Variants in CADM1 observed in about 807,000 individuals in gnomAD.
CADM1 encodes cell adhesion molecule 1.
Under a neutral mutation model 53.1 loss-of-function variants are expected in CADM1, and 15 were observed. The observed-to-expected ratio is 0.28, with a 90% CI of 0.19 to 0.44. CADM1 has a LOEUF of 0.44. CADM1 is among the 20% of genes least tolerant of loss of function. The probability of loss-of-function intolerance (pLI) is 1.00; values close to 1 mark genes in which losing one functional copy is unlikely to be tolerated. For missense variants in CADM1, 434 were observed against 611.3 expected, an observed-to-expected ratio of 0.71 and a Z score of 3.06; for synonymous variants, 281 against 243.0, an observed-to-expected ratio of 1.16 and a Z score of -1.45.
At position 115,504,344 on chromosome 11, in the gene CADM1, C is replaced by A; in HGVS notation, c.51G>T (p.Ala17=). The part of the protein sequence containing the change: ...PSGSQCAAAA[A]AAAPPGLRLR... Reference sequence around the variant, plus strand: ...GCCGGAGCCCGGGAGGCGCCGCCGCCGCCGCTGCCGCCGCACACTGGGATC... The same window carrying A: ...GCCGGAGCCCGGGAGGCGCCGCCGCAGCCGCTGCCGCCGCACACTGGGATC... Residue 17 remains alanine (A), a synonymous_variant, in exon 1 of 12, where the codon GCG becomes GCT. Coordinates refer to ENST00000331581, the MANE Select transcript of CADM1 (RefSeq NM_001301043.2). 6.5e-7 allele frequency: 1 copy of A among 1,548,814 alleles called. No individual in the cohort carries two copies. Among genetic ancestry groups the A allele is most frequent in the Non-Finnish European group, 8.7e-7 (1 of 1,146,364 alleles).
At chr11:115,331,760 TAATAGA>T (rs995419503) in intron 1 of CADM1, among the ~76,000 whole-genome samples, 15 of 152,284 alleles carry the variant, frequency 9.9e-5, no homozygotes, top group African/African-American at 3.6e-4. Context: ...GCTGATTTTC[TAATAGA>T]AATAAAGGTA....
chr11:115,450,095 A>G (rs2135346573), intron 1 of CADM1, among the ~76,000 whole-genome samples: 1 of 152,230 alleles, frequency 6.6e-6, no homozygotes, highest in South Asian at 2.1e-4. Context: ...GTCTTTCCAT[A>G]CAACATGAGA....
At chr11:115,349,551 T>C (rs966870344) in intron 1 of CADM1, among the ~76,000 whole-genome samples, 2 of 152,210 alleles carry the variant, frequency 1.3e-5, no homozygotes, top group South Asian at 4.1e-4. Context: ...ACAATGCCTG[T>C]TCAAGCCCGT....
intron 1 of CADM1, among the ~76,000 whole-genome samples, chr11:115,404,341 AAAAAAAT>A (rs1187232764): frequency 2.4e-5 from 1 of 42,468 alleles, no homozygotes; most frequent in African/African-American, 7.4e-5. Context: ...AAAAAAAAAA[AAAAAAAT>A]ATATATATAT....
intron 1 of CADM1, among the ~76,000 whole-genome samples, chr11:115,468,924 A>G (rs1049649741): frequency 2.0e-5 from 3 of 152,208 alleles, no homozygotes; most frequent in Non-Finnish European, 4.4e-5. Flanking sequence ...GCAAGAGGGC[A>G]TGTGCAGGCA....
At chr11:115,433,801 G>A (rs1948115524) in intron 1 of CADM1, among the ~76,000 whole-genome samples, 1 of 152,166 alleles carries the variant, frequency 6.6e-6, no homozygotes, top group Admixed American at 6.5e-5. Flanking sequence ...AAACACGTCG[G>A]CTGGTTCAAT....
intron 1 of CADM1, among the ~76,000 whole-genome samples, chr11:115,498,959 G>T (rs977915459): frequency 1.3e-5 from 2 of 152,002 alleles, no homozygotes; most frequent in African/African-American, 4.8e-5. Flanking sequence ...TTGAAACTGG[G>T]TGATTTGCAT....
chr11:115,255,607 A>G (rs976327261), intron 1 of CADM1, among the ~76,000 whole-genome samples: 11 of 152,226 alleles, frequency 7.2e-5, no homozygotes, highest in African/African-American at 2.7e-4. Context: ...TAGAAAGAGA[A>G]ATATTCCTAG....
chr11:115,280,523 A>C (rs1943558479), intron 1 of CADM1, among the ~76,000 whole-genome samples: 1 of 152,240 alleles, frequency 6.6e-6, no homozygotes, highest in African/African-American at 2.4e-5. Context: ...ACAGGGGATT[A>C]ATTGTTAGTC....
intron 1 of CADM1, among the ~76,000 whole-genome samples, chr11:115,372,730 G>A (rs867898260): frequency 1.3e-5 from 2 of 152,240 alleles, no homozygotes; most frequent in African/African-American, 2.4e-5. Flanking sequence ...TAAATGTTCA[G>A]ATATAGATCT....
At chr11:115,390,744 G>T (rs1395498243) in intron 1 of CADM1, among the ~76,000 whole-genome samples, 1 of 151,368 alleles carries the variant, frequency 6.6e-6, no homozygotes, top group Non-Finnish European at 1.5e-5. Flanking sequence ...AAAAGAGGAA[G>T]TTTCTAGATT....
intron 2 of CADM1, 113 bp downstream of exon 2, chr11:115,240,161 A>T (rs1165756114): frequency 3.1e-6 from 3 of 967,160 alleles, no homozygotes; most frequent in Non-Finnish European, 4.8e-6. Flanking sequence ...AGAACTGACT[A>T]AACTTTAAGC....
chr11:115,464,459 A>T (rs1404175630), intron 1 of CADM1, among the ~76,000 whole-genome samples: 1 of 152,158 alleles, frequency 6.6e-6, no homozygotes, highest in East Asian at 1.9e-4. Flanking sequence ...AGCCTGACTT[A>T]AGCTCCATTT....
intron 1 of CADM1, among the ~76,000 whole-genome samples, chr11:115,265,994 A>G (rs10891817): frequency 0.12 from 18,128 of 152,156 alleles, 1,836 homozygotes; most frequent in East Asian, 0.36. Flanking sequence ...TTTCGGGTTG[A>G]ATGCGTCAGA....
chr11:115,503,566 C>T (rs577855046), intron 1 of CADM1, among the ~76,000 whole-genome samples: 6 of 152,144 alleles, frequency 3.9e-5, no homozygotes, highest in Admixed American at 2.0e-4. Context: ...CGGCCGCCCC[C>T]CCCGCGGGGC....
At chr11:115,486,548 T>C (rs558818126) in intron 1 of CADM1, among the ~76,000 whole-genome samples, 1 of 152,222 alleles carries the variant, frequency 6.6e-6, no homozygotes, top group Non-Finnish European at 1.5e-5. Flanking sequence ...TCTCACTATG[T>C]TGCCCAGGCT....
At chr11:115,191,272 T>C (rs773020394) in intron 9 of CADM1, among the ~76,000 whole-genome samples, 21 of 152,350 alleles carry the variant, frequency 1.4e-4, no homozygotes, top group Non-Finnish European at 1.8e-4. Flanking sequence ...CTGATATCTC[T>C]TAAATAAAAA....
At chr11:115,267,746 T>A (rs1039851601) in intron 1 of CADM1, among the ~76,000 whole-genome samples, 6 of 151,386 alleles carry the variant, frequency 4.0e-5, no homozygotes, top group African/African-American at 1.5e-4. Context: ...AGAAACCAAT[T>A]AACCCCTTTG....
At chr11:115,409,042 G>T (rs113463663) in intron 1 of CADM1, among the ~76,000 whole-genome samples, 71 of 145,052 alleles carry the variant, frequency 4.9e-4, no homozygotes, top group African/African-American at 1.7e-3. Flanking sequence ...GGGAGCCCAG[G>T]CAGCTATAAC....
Sources: allele counts gnomAD v4.1 joint callset (sites outside exome capture counted in the v4.1 genomes callset), GRCh38; gene constraint gnomAD v4.1.1; transcripts MANE v1.5; gene names NCBI Gene and HGNC (gene_info 2026-07-23, HGNC 2026-07-21).